CCNY: variants seen among roughly 807,000 people sequenced by gnomAD.
The protein encoded by CCNY is cyclin Y, also known as cyclin-Y.
CCNY carries 19 observed loss-of-function variants against 42.8 expected under a neutral mutation model. That is an observed-to-expected ratio of 0.44 (90% CI 0.31 to 0.65). The LOEUF (loss-of-function observed/expected upper bound fraction) is 0.65, where lower values mean the gene tolerates loss of function less well. Among genes scored for constraint, CCNY ranks in the 30% least tolerant of loss-of-function variants. The probability of loss-of-function intolerance (pLI) is 0.07; values close to 1 mark genes in which losing one functional copy is unlikely to be tolerated. For missense variants in CCNY, 370 were observed against 437.3 expected (o/e 0.85, Z 1.37); for synonymous variants, 165 against 162.7 (o/e 1.01, Z -0.11).
chr10:35,382,832 A>G (rs1238969835), intron 1 of CCNY, among the ~76,000 whole-genome samples: 1 of 152,226 alleles, frequency 6.6e-6, no homozygotes, highest in East Asian at 1.9e-4. Context: ...CTCAGTAATT[A>G]TAATTGTTGT....
At chr10:35,568,073 A>G (rs1049610390) in intron 9 of CCNY, among the ~76,000 whole-genome samples, 1 of 152,112 alleles carries the variant, frequency 6.6e-6, no homozygotes, top group African/African-American at 2.4e-5. Flanking sequence ...TTCAGTGCTA[A>G]TGAGACAAGC....
At chr10:35,319,076 T>C (rs548044050) in intron 3 of CCNY, among the ~76,000 whole-genome samples, 1 of 152,266 alleles carries the variant, frequency 6.6e-6, no homozygotes, top group South Asian at 2.1e-4. Flanking sequence ...GATCCACCTG[T>C]CTCAGCCTCT....
chr10:35,331,404 A>G (rs1835942177), intron 3 of CCNY, among the ~76,000 whole-genome samples: 1 of 152,276 alleles, frequency 6.6e-6, no homozygotes, highest in African/African-American at 2.4e-5. Context: ...TCCTAAGGCC[A>G]TTTAGTCTGG....
chr10:35,448,742 C>G (rs1373116573), intron 1 of CCNY, among the ~76,000 whole-genome samples: 1 of 151,896 alleles, frequency 6.6e-6, no homozygotes, highest in Admixed American at 6.6e-5. Context: ...AGAGAGGCAG[C>G]AGGGGCAGGG....
intron 1 of CCNY, among the ~76,000 whole-genome samples, chr10:35,436,243 T>C (rs1838529896): frequency 6.6e-6 from 1 of 151,992 alleles, no homozygotes. Flanking sequence ...TTTAGAAAGG[T>C]GTGTGCGGTG....
chr10:35,395,883 TG>T (rs1804908280), intron 1 of CCNY, among the ~76,000 whole-genome samples: 1 of 152,084 alleles, frequency 6.6e-6, no homozygotes, highest in South Asian at 2.1e-4. Flanking sequence ...CTCCTGGGGA[TG>T]GGGGCAGCAC....
chr10:35,254,094 G>A (rs770915266), intron 3 of CCNY, among the ~76,000 whole-genome samples: 1 of 151,932 alleles, frequency 6.6e-6, no homozygotes, highest in Non-Finnish European at 1.5e-5. Flanking sequence ...AACCAGGATG[G>A]TCTCGATCTC....
intron 7 of CCNY, among the ~76,000 whole-genome samples, chr10:35,536,839 C>A (rs971643058): frequency 1.3e-5 from 2 of 152,126 alleles, no homozygotes; most frequent in Non-Finnish European, 2.9e-5. Flanking sequence ...CATAAAAGTT[C>A]ACAAAATTTG....
chr10:35,507,729 G>C (rs888861205), intron 3 of CCNY, among the ~76,000 whole-genome samples: 1 of 151,898 alleles, frequency 6.6e-6, no homozygotes, highest in African/African-American at 2.4e-5. Flanking sequence ...CTTTAATCTG[G>C]AGCAGATTCT....
chr10:35,471,322 G>A (rs1242737410), intron 1 of CCNY, among the ~76,000 whole-genome samples: 1 of 152,168 alleles, frequency 6.6e-6, no homozygotes, highest in Non-Finnish European at 1.5e-5. Context: ...TCTCCATCCA[G>A]TGCTGTTTAG....
At chr10:35,505,577 C>G (rs1238647662) in intron 3 of CCNY, among the ~76,000 whole-genome samples, 1 of 152,330 alleles carries the variant, frequency 6.6e-6, no homozygotes, top group East Asian at 1.9e-4. Flanking sequence ...GTTCTGCCAC[C>G]TGCTAATTGG....
chr10:35,544,349 T>C (rs991431626), intron 7 of CCNY, among the ~76,000 whole-genome samples: 1 of 152,218 alleles, frequency 6.6e-6, no homozygotes, highest in African/African-American at 2.4e-5. Context: ...CAAATACTCA[T>C]CATTGTGTTC....
chr10:35,383,059 A>AT (rs1163729004), intron 1 of CCNY, among the ~76,000 whole-genome samples: 1 of 152,074 alleles, frequency 6.6e-6, no homozygotes, highest in Non-Finnish European at 1.5e-5. Context: ...CGAAAACGCA[A>AT]TATTTCGGGA....
At chr10:35,253,400 C>G (rs2095713285) in intron 3 of CCNY, among the ~76,000 whole-genome samples, 1 of 150,394 alleles carries the variant, frequency 6.6e-6, no homozygotes. Flanking sequence ...CAGGCATGCA[C>G]CAGCATGCTC....
Position 35,571,075 on chromosome 10 carries a change from A to G in CCNY, c.*1905A>G, listed in dbSNP as rs1044651060. 2 of 152,248 alleles carry G rather than the reference A, an allele frequency of 1.3e-5. No individual in the cohort carries two copies. The highest frequency in any genetic ancestry group is 2.9e-5 in the Non-Finnish European group (2 of 68,040). 9.4% of individuals were successfully genotyped at this position (152,248 alleles called of 1,614,324 possible). On this transcript the variant is annotated 3_prime_UTR_variant, in exon 10 of 10. Coordinates refer to ENST00000374704, the MANE Select transcript of CCNY (RefSeq NM_145012.6). ...TAGAAAATATCATTTTATATTCCCTAATCTATATAGCTGAAAAAGGGTTGT... is the reference window on the plus strand; with the variant it reads ...TAGAAAATATCATTTTATATTCCCTGATCTATATAGCTGAAAAAGGGTTGT...
chr10:35,252,124 T>A (rs544204839), intron 3 of CCNY, among the ~76,000 whole-genome samples: 1 of 152,224 alleles, frequency 6.6e-6, no homozygotes, highest in Non-Finnish European at 1.5e-5. Context: ...ATTGTCTATA[T>A]TCATTGCTTG....
At chr10:35,403,668 A>G (rs147510677) in intron 1 of CCNY, among the ~76,000 whole-genome samples, 1,973 of 152,310 alleles carry the variant, frequency 0.013, 38 homozygotes, top group African/African-American at 0.044. Flanking sequence ...CAGCATGGTG[A>G]TGCAGGATAT....
intron 1 of CCNY, among the ~76,000 whole-genome samples, chr10:35,424,555 C>T (rs1371144664): frequency 2.0e-5 from 3 of 152,224 alleles, no homozygotes; most frequent in Non-Finnish European, 4.4e-5. Context: ...AGTAAACACC[C>T]CCCTGCATTT....
At chr10:35,386,120 G>A (rs1458806791) in intron 1 of CCNY, among the ~76,000 whole-genome samples, 1 of 152,168 alleles carries the variant, frequency 6.6e-6, no homozygotes, top group Admixed American at 6.5e-5. Flanking sequence ...TTTGTGTCAC[G>A]TTCCTATAGA....
Sources: allele counts gnomAD v4.1 joint callset (sites outside exome capture counted in the v4.1 genomes callset), GRCh38; gene constraint gnomAD v4.1.1; transcripts MANE v1.5; gene names NCBI Gene and HGNC (gene_info 2026-07-23, HGNC 2026-07-21).